NBEA: variants seen among roughly 807,000 people sequenced by gnomAD.
NBEA encodes lysosomal-trafficking regulator 2.
In NBEA, 44 loss-of-function variants were observed where a neutral mutation model predicts 343.4. The ratio of observed to expected loss-of-function variants is 0.13; its 90% CI spans 0.10 to 0.16. The LOEUF is 0.16. Among genes scored for constraint, NBEA ranks in the 10% least tolerant of loss-of-function variants. The probability of loss-of-function intolerance (pLI) is 1.00; values close to 1 mark genes in which losing one functional copy is unlikely to be tolerated. For missense variants in NBEA, 2,555 were observed against 3,631.3 expected, an observed-to-expected ratio of 0.70 and a Z score of 7.62; for synonymous variants, 1,175 against 1,238.7, an observed-to-expected ratio of 0.95 and a Z score of 1.08.
chr13:35,408,241 A>T (rs1031617386), intron 38 of NBEA, among the ~76,000 whole-genome samples: 1 of 152,202 alleles, frequency 6.6e-6, no homozygotes, highest in African/African-American at 2.4e-5. Flanking sequence ...TGAACCTGAC[A>T]AAAGCAAGCA....
chr13:34,945,267 T>G (rs1487294556), intron 1 of NBEA, among the ~76,000 whole-genome samples: 2 of 152,110 alleles, frequency 1.3e-5, no homozygotes. Context: ...AAAGAATAAA[T>G]GACAAAAGGA....
intron 47 of NBEA, among the ~76,000 whole-genome samples, chr13:35,606,118 A>G (rs1294742071): frequency 1.3e-5 from 2 of 152,114 alleles, no homozygotes; most frequent in Admixed American, 6.5e-5. Context: ...TTCTAATGCT[A>G]TTGTGAACTG....
At chr13:35,660,848 A>C (rs1018742566) in intron 55 of NBEA, among the ~76,000 whole-genome samples, 3 of 152,242 alleles carry the variant, frequency 2.0e-5, no homozygotes, top group African/African-American at 7.2e-5. Flanking sequence ...AAAGAATCTT[A>C]GCTAGGATTT....
rs551316781 is a variant in NBEA, at chr13:35,006,607, A to T, written c.295-34326A>T. 2.6e-5 allele frequency among the ~76,000 whole-genome samples: 4 copies of T among 152,292 alleles called. No individual in the cohort carries two copies. In the South Asian group the frequency reaches 8.3e-4, roughly 32 times the overall value. ...TCTGGGCTCATTTACTTTCTGCCTGAAACATAGATTTTAGTATTTTCTTTG... is the reference window on the plus strand; with the variant it reads ...TCTGGGCTCATTTACTTTCTGCCTGTAACATAGATTTTAGTATTTTCTTTG... On this transcript the variant is annotated intron_variant, in intron 1 of 58. Transcript: ENST00000379939.
intron 35 of NBEA, among the ~76,000 whole-genome samples, chr13:35,307,885 A>T (rs929241518): frequency 2.0e-5 from 3 of 152,082 alleles, no homozygotes; most frequent in Admixed American, 1.3e-4. Flanking sequence ...TAATTGTTTT[A>T]TACAGAAATT....
intron 47 of NBEA, among the ~76,000 whole-genome samples, chr13:35,598,979 T>A (rs1464353514): frequency 6.6e-6 from 1 of 152,186 alleles, no homozygotes; most frequent in Non-Finnish European, 1.5e-5. Context: ...TTTGCATAGC[T>A]TACACCATTA....
chr13:35,051,150 A>G (rs1426457095), intron 6 of NBEA, among the ~76,000 whole-genome samples: 2 of 152,028 alleles, frequency 1.3e-5, no homozygotes. Flanking sequence ...GAAAACCAGG[A>G]CAGAGTGCAT....
intron 1 of NBEA, among the ~76,000 whole-genome samples, chr13:34,983,621 AGTTTACACTCT>A (rs1210712332): frequency 6.6e-6 from 1 of 152,176 alleles, no homozygotes; most frequent in East Asian, 1.9e-4. Context: ...TGGTTGAACT[AGTTTACACTCT>A]CACCAACAGT....
At chr13:35,082,505 A>G (rs1381601044) in intron 10 of NBEA, among the ~76,000 whole-genome samples, 1 of 152,182 alleles carries the variant, frequency 6.6e-6, no homozygotes, top group South Asian at 2.1e-4. Flanking sequence ...TGACTTCCAC[A>G]ATGGTTGAAC....
chr13:35,151,181 A>T (rs1461087104), intron 18 of NBEA, among the ~76,000 whole-genome samples: 1 of 152,048 alleles, frequency 6.6e-6, no homozygotes, highest in Admixed American at 6.6e-5. Context: ...ATTAGGATAA[A>T]GACTATGTTA....
intron 38 of NBEA, among the ~76,000 whole-genome samples, chr13:35,417,751 C>A (rs913531372): frequency 6.6e-6 from 1 of 152,022 alleles, no homozygotes; most frequent in South Asian, 2.1e-4. Flanking sequence ...TCTATTAGGT[C>A]CTCTTGGTGC....
intron 30 of NBEA, among the ~76,000 whole-genome samples, chr13:35,189,594 C>T (rs937747095): frequency 2.0e-5 from 3 of 151,740 alleles, no homozygotes; most frequent in Non-Finnish European, 4.4e-5. Flanking sequence ...AAGCAAAATA[C>T]ATATATATGA....
chr13:35,234,832 T>A (rs1324131099), intron 34 of NBEA, among the ~76,000 whole-genome samples: 1 of 152,220 alleles, frequency 6.6e-6, no homozygotes, highest in Non-Finnish European at 1.5e-5. Flanking sequence ...TACCTCAAAC[T>A]CTGTTTATCC....
chr13:35,001,720 A>G (rs1291014326), intron 1 of NBEA, among the ~76,000 whole-genome samples: 3 of 152,112 alleles, frequency 2.0e-5, no homozygotes, highest in Admixed American at 2.0e-4. Context: ...TAATTTTGTA[A>G]TTACAAAATT....
intron 1 of NBEA, among the ~76,000 whole-genome samples, chr13:34,999,297 G>A (rs1289162547): frequency 6.6e-6 from 1 of 152,036 alleles, no homozygotes; most frequent in Non-Finnish European, 1.5e-5. Flanking sequence ...AATCACATCA[G>A]GGTAAATAGG....
chr13:35,132,944 A>G (rs914319755), intron 17 of NBEA, among the ~76,000 whole-genome samples: 5 of 152,212 alleles, frequency 3.3e-5, no homozygotes, highest in African/African-American at 4.8e-5. Flanking sequence ...AGTGCAGGAT[A>G]ATAGTATTAT....
intron 48 of NBEA, among the ~76,000 whole-genome samples, chr13:35,608,630 G>A (rs1322679187): frequency 6.6e-6 from 1 of 152,154 alleles, no homozygotes; most frequent in African/African-American, 2.4e-5. Context: ...TAGAGGTGTA[G>A]TAATCTCATA....
At chr13:35,502,313 CAT>C (rs1283844916) in intron 41 of NBEA, among the ~76,000 whole-genome samples, 2 of 151,970 alleles carry the variant, frequency 1.3e-5, no homozygotes, top group Admixed American at 6.6e-5. Flanking sequence ...AATTTACAAA[CAT>C]AATGAAATTT....
chr13:35,573,536 A>T lies in NBEA; in HGVS notation c.7035+6519A>T, dbSNP rs985482710. Among the ~76,000 whole-genome samples the T allele has an allele frequency of 2.6e-5, 4 of 152,220 alleles. No homozygotes were observed. In the East Asian group the frequency reaches 5.8e-4, roughly 22 times the overall value. On this transcript the variant is annotated intron_variant, in intron 45 of 58. Coordinates refer to ENST00000379939, the MANE Select transcript of NBEA (RefSeq NM_001385012.1). ...TGCTTGTTGGAGACATAATAGGGTGACAGGGAGCTTTATAGATTTATACAG... is the reference window on the plus strand; with the variant it reads ...TGCTTGTTGGAGACATAATAGGGTGTCAGGGAGCTTTATAGATTTATACAG...
Sources: allele counts gnomAD v4.1 joint callset (sites outside exome capture counted in the v4.1 genomes callset), GRCh38; gene constraint gnomAD v4.1.1; transcripts MANE v1.5; gene names NCBI Gene and HGNC (gene_info 2026-07-23, HGNC 2026-07-21).